The following HCN1 variants were observed in gnomAD, a reference collection of about 807,000 sequenced individuals.
The protein encoded by HCN1 is hyperpolarization activated cyclic nucleotide gated potassium channel 1.
A neutral mutation model predicts 78.9 loss-of-function variants in HCN1; 13 were observed. The ratio of observed to expected loss-of-function variants is 0.16; its 90% CI spans 0.11 to 0.26. The LOEUF is 0.26. Among genes scored for constraint, HCN1 ranks in the 10% least tolerant of loss-of-function variants. The pLI is 1.00. For synonymous variants in HCN1, 552 were observed against 455.5 expected (o/e 1.21, Z -2.70); for missense variants, 810 against 1,154.3 (o/e 0.70, Z 4.32).
intron 6 of HCN1, among the ~76,000 whole-genome samples, chr5:45,290,707 T>G (rs1017138611): frequency 1.3e-5 from 2 of 152,034 alleles, no homozygotes; most frequent in East Asian, 3.9e-4. Flanking sequence ...GTGTTAGTCA[T>G]GATGCTGAGG....
Position 45,356,007 on chromosome 5 carries a change from G to A in HCN1, c.1231-2761C>T, listed in dbSNP as rs1482578087. ...CTCCCACACCTAACAAGACTTGCAA[G>A]AATGTATGAAAATATCACTTCCATG... On this transcript the variant is annotated intron_variant, in intron 4 of 7. Coordinates refer to ENST00000303230, the MANE Select transcript of HCN1 (RefSeq NM_021072.4). Among the ~76,000 whole-genome samples, 3 of 151,968 alleles carry A rather than the reference G, an allele frequency of 2.0e-5. No individual in the cohort carries two copies. In the East Asian group the frequency reaches 5.8e-4, roughly 29 times the overall value.
chr5:45,629,146 C>T (rs1036489838), intron 2 of HCN1, among the ~76,000 whole-genome samples: 12 of 151,722 alleles, frequency 7.9e-5, no homozygotes, highest in Non-Finnish European at 1.5e-4. Context: ...CATAACAATC[C>T]TAACTATGTA....
intron 6 of HCN1, among the ~76,000 whole-genome samples, chr5:45,297,422 C>A (rs1330221516): frequency 6.6e-6 from 1 of 152,080 alleles, no homozygotes; most frequent in Non-Finnish European, 1.5e-5. Context: ...AATTTTGGGG[C>A]CAGTTTATGG....
At position 45,295,425 on chromosome 5, in the gene HCN1, GTTCATTTCCTCA is replaced by G. The variant is rs1319918570; in HGVS notation, c.1618+8162_1618+8173del. Among the ~76,000 whole-genome samples the G allele has an allele frequency of 3.9e-5, 6 of 151,912 alleles. No homozygotes were observed. In the East Asian group the frequency reaches 1.2e-3, roughly 30 times the overall value. On this transcript the variant is annotated intron_variant, in intron 6 of 7. Transcript: ENST00000303230. ...TGAATGTGTCTCACACTTATATTTG[GTTCATTTCCTCA>G]TACTCTTTCTGCTACAACACTACGT...
rs187460837 is a variant in HCN1, at chr5:45,694,088, A to G, written c.425+1581T>C. 3.9e-5 allele frequency among the ~76,000 whole-genome samples: 6 copies of G among 152,334 alleles called. No individual in the cohort carries two copies. In the East Asian group the frequency reaches 1.2e-3, roughly 29 times the overall value. On this transcript the variant is annotated intron_variant, in intron 1 of 7. Coordinates refer to ENST00000303230, the MANE Select transcript of HCN1 (RefSeq NM_021072.4). Reference sequence around the variant, plus strand: ...ATGACAACCTTATACATCTTAGAACAGGGTCATTTATAAGTTTGCTTCCCT... The same window carrying G: ...ATGACAACCTTATACATCTTAGAACGGGGTCATTTATAAGTTTGCTTCCCT...
intron 2 of HCN1, among the ~76,000 whole-genome samples, chr5:45,520,359 C>T (rs1037111109): frequency 2.6e-4 from 39 of 152,056 alleles, no homozygotes; most frequent in Admixed American, 1.2e-3. Context: ...TTTGCATCTG[C>T]TCCAGTCTCA....
chr5:45,362,195 T>A (rs890214562), intron 4 of HCN1, among the ~76,000 whole-genome samples: 1 of 151,644 alleles, frequency 6.6e-6, no homozygotes, highest in African/African-American at 2.4e-5. Flanking sequence ...TATCTATCTA[T>A]GTGTAGGGAA....
At chr5:45,348,757 A>T (rs1746810231) in intron 5 of HCN1, among the ~76,000 whole-genome samples, 1 of 152,232 alleles carries the variant, frequency 6.6e-6, no homozygotes, top group Non-Finnish European at 1.5e-5. Flanking sequence ...AAACCAACAA[A>T]GATCAAAAGA....
At chr5:45,396,385 TC>T in intron 4 of HCN1, 106 bp downstream of exon 4, 2 of 867,710 alleles carry the variant, frequency 2.3e-6, no homozygotes, top group Non-Finnish European at 3.7e-6. Context: ...ACATTTTATC[TC>T]TTTTTTTTTT....
intron 2 of HCN1, among the ~76,000 whole-genome samples, chr5:45,616,447 T>C (rs931325011): frequency 1.3e-5 from 2 of 152,036 alleles, no homozygotes; most frequent in Non-Finnish European, 2.9e-5. Context: ...ATGTACTGAT[T>C]TGGCTCCTGT....
intron 2 of HCN1, among the ~76,000 whole-genome samples, chr5:45,489,877 T>C (rs1334024116): frequency 2.0e-5 from 3 of 152,192 alleles, no homozygotes; most frequent in Admixed American, 6.6e-5. Flanking sequence ...CTAGTCCATC[T>C]GGGGCTGACA....
intron 6 of HCN1, among the ~76,000 whole-genome samples, chr5:45,276,015 A>C (rs1172526095): frequency 6.6e-6 from 1 of 152,102 alleles, no homozygotes; most frequent in Non-Finnish European, 1.5e-5. Flanking sequence ...AGGTACCTCC[A>C]ATGTGTTTTT....
chr5:45,534,700 A>G (rs1392224494), intron 2 of HCN1, among the ~76,000 whole-genome samples: 3 of 152,014 alleles, frequency 2.0e-5, no homozygotes, highest in Admixed American at 2.0e-4. Flanking sequence ...CTCATCTTGT[A>G]TCAATTTGTT....
At chr5:45,631,838 A>G (rs1745274027) in intron 2 of HCN1, among the ~76,000 whole-genome samples, 1 of 152,208 alleles carries the variant, frequency 6.6e-6, no homozygotes, top group Non-Finnish European at 1.5e-5. Context: ...TAGAATAACT[A>G]TTGTAAAATT....
chr5:45,627,735 A>G (rs1388197949), intron 2 of HCN1, among the ~76,000 whole-genome samples: 17 of 152,208 alleles, frequency 1.1e-4, no homozygotes, highest in Admixed American at 1.1e-3. Flanking sequence ...TCTATCATAT[A>G]TAGTTTTATC....
chr5:45,597,567 A>G (rs766335691), intron 2 of HCN1, among the ~76,000 whole-genome samples: 123 of 152,176 alleles, frequency 8.1e-4, no homozygotes, highest in Non-Finnish European at 1.5e-3. Flanking sequence ...AGTTCTGGCC[A>G]GGGCAATCAG....
intron 2 of HCN1, among the ~76,000 whole-genome samples, chr5:45,471,521 G>A (rs1323570517): frequency 6.6e-6 from 1 of 151,824 alleles, no homozygotes; most frequent in African/African-American, 2.4e-5. Flanking sequence ...CTGTCTTAAC[G>A]AGTTCCTTGC....
At chr5:45,318,749 T>G (rs1310151765) in intron 5 of HCN1, among the ~76,000 whole-genome samples, 2 of 151,542 alleles carry the variant, frequency 1.3e-5, no homozygotes, top group African/African-American at 4.8e-5. Flanking sequence ...GGACAAATCC[T>G]AAGTGTACAC....
chr5:45,685,686 T>C (rs1739791562), intron 1 of HCN1, among the ~76,000 whole-genome samples: 2 of 151,384 alleles, frequency 1.3e-5, no homozygotes, highest in African/African-American at 2.4e-5. Context: ...CACTCCAGCC[T>C]GGGCAAAAAG....
Sources: gnomAD v4.1 joint callset for allele counts (sites outside exome capture counted in the v4.1 genomes callset) on GRCh38, gnomAD v4.1.1 for gene constraint, MANE v1.5 for transcripts, NCBI Gene and HGNC (gene_info 2026-07-23, HGNC 2026-07-21) for gene names.